The following ASIC2 variants were observed in gnomAD, a reference collection of about 807,000 sequenced individuals.
The protein encoded by ASIC2 is acid-sensing ion channel 2.
ASIC2 carries 25 observed loss-of-function variants against 57.3 expected under a neutral mutation model. That is an observed-to-expected ratio of 0.44 (90% CI 0.32 to 0.61). The LOEUF (loss-of-function observed/expected upper bound fraction) is 0.61. Among genes scored for constraint, ASIC2 ranks in the 20% least tolerant of loss-of-function variants. The probability of loss-of-function intolerance (pLI) is 0.06; values close to 1 mark genes in which losing one functional copy is unlikely to be tolerated. For synonymous variants in ASIC2, 319 were observed against 307.5 expected (o/e 1.04, Z -0.39); for missense variants, 641 against 738.1 (o/e 0.87, Z 1.52).
At chr17:33,783,813 G>T (rs1911526069) in intron 1 of ASIC2, among the ~76,000 whole-genome samples, 1 of 152,218 alleles carries the variant, frequency 6.6e-6, no homozygotes, top group Non-Finnish European at 1.5e-5. Context: ...GCCCACTTTA[G>T]ACCTCAGTTA....
At chr17:33,924,699 C>T (rs1303560143) in intron 1 of ASIC2, among the ~76,000 whole-genome samples, 1 of 152,130 alleles carries the variant, frequency 6.6e-6, no homozygotes, top group East Asian at 1.9e-4. Flanking sequence ...TTGTGGACAG[C>T]AGAGAGAGGA....
chr17:33,830,432 G>C lies in ASIC2; in HGVS notation c.555+325546C>G, dbSNP rs528058697. On this transcript the variant is annotated intron_variant, in intron 1 of 9. Transcript: ENST00000359872. ...CGGGATGGGGAGATCAGTCCCAGTT[G>C]GGCCTGAAAACAACTTGTGGTCATG... is the stretch of plus-strand genomic sequence containing the variant. Among the ~76,000 whole-genome samples the C allele has an allele frequency of 5.9e-5, 9 of 152,094 alleles. No homozygotes were observed. The South Asian group carries it at 1.5e-3, about 25-fold the overall frequency.
At chr17:33,306,338 T>C (rs1268775261) in intron 1 of ASIC2, among the ~76,000 whole-genome samples, 2 of 152,110 alleles carry the variant, frequency 1.3e-5, no homozygotes, top group Non-Finnish European at 2.9e-5. Context: ...TCTTGGAGTG[T>C]TTTTTCCCCC....
At chr17:33,876,609 TA>T (rs1281103345) in intron 1 of ASIC2, among the ~76,000 whole-genome samples, 2 of 152,078 alleles carry the variant, frequency 1.3e-5, no homozygotes, top group Non-Finnish European at 2.9e-5. Context: ...ATAAGGAAAA[TA>T]AATCACATAA....
chr17:33,573,241 G>C (rs1014396239), intron 1 of ASIC2, among the ~76,000 whole-genome samples: 3 of 152,132 alleles, frequency 2.0e-5, no homozygotes, highest in Admixed American at 2.0e-4. Flanking sequence ...CTGTGTTAAA[G>C]GGGGCCACTA....
intron 1 of ASIC2, among the ~76,000 whole-genome samples, chr17:34,095,633 T>TTA (rs796194067): frequency 0.037 from 3,613 of 98,054 alleles, 87 homozygotes; most frequent in East Asian, 0.054. Flanking sequence ...ATATATAATT[T>TTA]TATATATATA....
intron 1 of ASIC2, among the ~76,000 whole-genome samples, chr17:33,784,482 G>C (rs1440395560): frequency 2.0e-5 from 3 of 152,032 alleles, no homozygotes; most frequent in Admixed American, 2.0e-4. Flanking sequence ...CTGTTCAATA[G>C]AAATATTCTC....
intron 1 of ASIC2, among the ~76,000 whole-genome samples, chr17:33,876,040 G>A (rs1914539055): frequency 6.6e-6 from 1 of 152,124 alleles, no homozygotes; most frequent in Non-Finnish European, 1.5e-5. Flanking sequence ...GGGTCTAAAC[G>A]AGTAGAGGAG....
At chr17:33,787,460 G>C (rs746729592) in intron 1 of ASIC2, among the ~76,000 whole-genome samples, 12 of 152,206 alleles carry the variant, frequency 7.9e-5, no homozygotes, top group Non-Finnish European at 1.8e-4. Flanking sequence ...GGATAAATTA[G>C]AGCGTGAAGC....
intron 1 of ASIC2, among the ~76,000 whole-genome samples, chr17:33,724,260 C>A (rs1909478315): frequency 1.3e-5 from 2 of 152,152 alleles, no homozygotes; most frequent in Non-Finnish European, 2.9e-5. Context: ...ACCTCTTTTT[C>A]TTTATGAATC....
At chr17:33,925,037 A>T (rs1377085070) in intron 1 of ASIC2, among the ~76,000 whole-genome samples, 2 of 152,240 alleles carry the variant, frequency 1.3e-5, no homozygotes, top group Non-Finnish European at 2.9e-5. Context: ...ACTCAGGGCC[A>T]GTGTACCCAG....
intron 1 of ASIC2, among the ~76,000 whole-genome samples, chr17:33,880,136 G>A (rs1052086684): frequency 6.6e-6 from 1 of 152,146 alleles, no homozygotes; most frequent in Non-Finnish European, 1.5e-5. Flanking sequence ...AGAACTAAAT[G>A]CCCACAAGAG....
chr17:33,820,042 A>G (rs1912700049), intron 1 of ASIC2, among the ~76,000 whole-genome samples: 1 of 152,304 alleles, frequency 6.6e-6, no homozygotes, highest in South Asian at 2.1e-4. Context: ...AAACGAGACA[A>G]TGATAGAGGC....
chr17:34,074,849 G>A (rs767485586), intron 1 of ASIC2, among the ~76,000 whole-genome samples: 4 of 144,030 alleles, frequency 2.8e-5, no homozygotes, highest in Non-Finnish European at 6.0e-5. Flanking sequence ...GCAGTGACGC[G>A]ATCTCGGCTC....
At chr17:33,371,424 A>G (rs770803556) in intron 1 of ASIC2, among the ~76,000 whole-genome samples, 1 of 152,248 alleles carries the variant, frequency 6.6e-6, no homozygotes, top group Non-Finnish European at 1.5e-5. Context: ...GAGAGGTCAC[A>G]CAACACATGG....
chr17:34,068,069 G>A (rs1027360281), intron 1 of ASIC2, among the ~76,000 whole-genome samples: 1 of 152,142 alleles, frequency 6.6e-6, no homozygotes, highest in African/African-American at 2.4e-5. Flanking sequence ...TGTTTCAAAA[G>A]GCAGACCAAG....
intron 1 of ASIC2, among the ~76,000 whole-genome samples, chr17:33,908,516 C>G (rs1431093978): frequency 6.6e-6 from 1 of 152,196 alleles, no homozygotes; most frequent in Non-Finnish European, 1.5e-5. Flanking sequence ...GAAAGCATAA[C>G]TAACTCCATT....
chr17:33,578,199 C>G (rs971890479), intron 1 of ASIC2, among the ~76,000 whole-genome samples: 1 of 152,152 alleles, frequency 6.6e-6, no homozygotes, highest in Non-Finnish European at 1.5e-5. Flanking sequence ...GGGCCATAAT[C>G]TCTGATTTTA....
At chr17:34,024,080 A>G (rs1907282556) in intron 1 of ASIC2, among the ~76,000 whole-genome samples, 2 of 152,206 alleles carry the variant, frequency 1.3e-5, no homozygotes, top group African/African-American at 4.8e-5. Context: ...CTCTTAACCT[A>G]TAAATCAGCC....
Sources: gnomAD v4.1 joint callset for allele counts (sites outside exome capture counted in the v4.1 genomes callset) on GRCh38, gnomAD v4.1.1 for gene constraint, MANE v1.5 for transcripts, NCBI Gene and HGNC (gene_info 2026-07-23, HGNC 2026-07-21) for gene names.